AFTPH: variants seen among roughly 807,000 people sequenced by gnomAD.
The protein encoded by AFTPH is aftiphilin, also known as aftiphilin protein.
A neutral mutation model predicts 72.5 loss-of-function variants in AFTPH; 7 were observed. That is an observed-to-expected ratio of 0.10 (90% CI 0.05 to 0.18). The LOEUF (loss-of-function observed/expected upper bound fraction) is 0.18. Among genes scored for constraint, AFTPH ranks in the 10% least tolerant of loss-of-function variants. AFTPH has a pLI of 1.00. For synonymous variants in AFTPH, 337 were observed against 370.1 expected (o/e 0.91, Z 1.03); for missense variants, 979 against 1,060.5 (o/e 0.92, Z 1.07).
At chr2:64,592,352 TAAAAA>T (rs879897290) in exon 9 of AFTPH, 1 of 171,580 alleles carries the variant, frequency 5.8e-6, no homozygotes, top group Non-Finnish European at 1.2e-5. Flanking sequence ...ACTTTTGAAA[TAAAAA>T]AAAAACTCAA....
chr2:64,547,940 A>G (rs779717115), intron 1 of AFTPH, among the ~76,000 whole-genome samples: 3 of 151,942 alleles, frequency 2.0e-5, no homozygotes, highest in Non-Finnish European at 4.4e-5. Flanking sequence ...GCATGCCACC[A>G]TGCCTGGCTA....
intron 1 of AFTPH, among the ~76,000 whole-genome samples, chr2:64,535,996 A>C (rs1669861130): frequency 6.6e-6 from 1 of 152,216 alleles, no homozygotes; most frequent in Non-Finnish European, 1.5e-5. Flanking sequence ...GATTGATTTA[A>C]TTTGTGGTAG....
At chr2:64,567,358 G>T (rs573792769) in intron 2 of AFTPH, among the ~76,000 whole-genome samples, 2 of 152,278 alleles carry the variant, frequency 1.3e-5, no homozygotes, top group Non-Finnish European at 2.9e-5. Flanking sequence ...TGCCAGCTAC[G>T]TAGCTCATCA....
At chr2:64,549,875 TAGA>T in intron 1 of AFTPH, among the ~76,000 whole-genome samples, 1 of 152,292 alleles carries the variant, frequency 6.6e-6, no homozygotes, top group African/African-American at 2.4e-5. Context: ...TCCCTAAAAG[TAGA>T]AGAAAATAAA....
chr2:64,559,842 C>G (rs988159362), intron 2 of AFTPH, among the ~76,000 whole-genome samples: 2 of 152,106 alleles, frequency 1.3e-5, no homozygotes, highest in African/African-American at 4.8e-5. Context: ...GTAGCTGAGA[C>G]TACAGGTGTG....
intron 2 of AFTPH, among the ~76,000 whole-genome samples, chr2:64,562,251 TA>T (rs1213609041): frequency 1.3e-5 from 2 of 152,028 alleles, no homozygotes; most frequent in African/African-American, 2.4e-5. Context: ...AACCTGTGTA[TA>T]AAAATGATTT....
At chr2:64,552,913 A>G (rs750027112) in exon 2 of AFTPH, 2 of 1,614,126 alleles carry the variant, frequency 1.2e-6, no homozygotes, top group East Asian at 2.2e-5. Flanking sequence ...GACTTTGGAG[A>G]ATTTGGGGAT....
At position 64,553,122 on chromosome 2, in the gene AFTPH, A is replaced by T. The variant is rs149531891; in HGVS notation, c.1648A>T (p.Asn550Tyr). Reference sequence around the variant, plus strand: ...TGTGCCAAATATTCAGGATGACTGCAATGGTTTTCAAGACTCTGATGATTT... The same window carrying T: ...TGTGCCAAATATTCAGGATGACTGCTATGGTTTTCAAGACTCTGATGATTT... Residue 550 changes from asparagine (N) to tyrosine (Y), a missense_variant, in exon 2 of 9, where the codon AAT becomes TAT. This residue lies in a region of AFTPH where 438 missense variants were observed against 530.0 expected (regional missense o/e 0.83). Transcript: ENST00000238856. 3,144 of 1,614,204 alleles carry T rather than the reference A, an allele frequency of 1.9e-3. 6 individuals carry two copies. The highest frequency in any genetic ancestry group is 2.4e-3 in the Non-Finnish European group (2,774 of 1,180,008).
Position 64,591,935 on chromosome 2 carries a change from T to TC in AFTPH, c.2631dup (p.Ala878ArgfsTer5). ...CTAAGTGAAGAAGCTATCAAGGTGA[T>TC]CGCTGGCCTTCCTGACTTAACATTC... is the stretch of plus-strand genomic sequence containing the variant. On this transcript the variant is annotated frameshift_variant, in exon 9 of 9. Coordinates refer to ENST00000238856, the Ensembl canonical transcript of AFTPH. LOFTEE classifies it high-confidence loss of function. 1 of 1,614,026 alleles carries TC rather than the reference T, an allele frequency of 6.2e-7. No homozygotes were observed. Among genetic ancestry groups the TC allele is most frequent in the Non-Finnish European group, 8.5e-7 (1 of 1,179,958 alleles).
exon 2 of AFTPH, chr2:64,551,459 TG>T: frequency 6.3e-7 from 1 of 1,592,324 alleles, no homozygotes; most frequent in Non-Finnish European, 8.5e-7. Flanking sequence ...ATTAATTATT[TG>T]AAAGCAACTG....
chr2:64,589,293 T>C (rs10167463), intron 8 of AFTPH, among the ~76,000 whole-genome samples: 73,094 of 152,102 alleles, frequency 0.48, 19,334 homozygotes, highest in African/African-American at 0.73. Context: ...ACTGTTGAAA[T>C]GATTTCCCCC....
At chr2:64,551,973 C>A (rs1362508938) in exon 2 of AFTPH, 1 of 1,613,594 alleles carries the variant, frequency 6.2e-7, no homozygotes, top group African/African-American at 1.3e-5. Flanking sequence ...TCAAAACAAG[C>A]AGTTAGAGAG....
intron 1 of AFTPH, among the ~76,000 whole-genome samples, chr2:64,537,759 A>G (rs1669973753): frequency 6.6e-6 from 1 of 152,200 alleles, no homozygotes; most frequent in Non-Finnish European, 1.5e-5. Context: ...TTCGTTTATT[A>G]CTTTTATACA....
At chr2:64,547,589 A>C (rs752515235) in intron 1 of AFTPH, among the ~76,000 whole-genome samples, 1 of 152,172 alleles carries the variant, frequency 6.6e-6, no homozygotes, top group Non-Finnish European at 1.5e-5. Flanking sequence ...TTCCTCATCT[A>C]ACTTGCAGTT....
At chr2:64,585,308 C>T in intron 7 of AFTPH, 114 bp from the exon 9 acceptor site, 2 of 1,276,946 alleles carry the variant, frequency 1.6e-6, no homozygotes, top group Non-Finnish European at 2.2e-6. Context: ...AAGATATGTT[C>T]TGTTTGTAAA....
Position 64,550,685 on chromosome 2 carries a change from A to G in AFTPH, c.-32-758A>G, listed in dbSNP as rs1466121579. Among the ~76,000 whole-genome samples the G allele has an allele frequency of 4.6e-3, 228 of 49,814 alleles. 3 individuals carry two copies. Among genetic ancestry groups the G allele is most frequent in the South Asian group, 0.024 (36 of 1,504 alleles). The allele number at this position is 49,814 out of a possible 152,430, so 32.7% of individuals were successfully genotyped here. A position where few individuals can be genotyped will look rare whatever the true frequency, so the allele number is the denominator to read the frequency against. The stretch of plus-strand genomic sequence containing the variant: ...TTTAGAACTGTACGCATGCACACAC[A>G]CACACACACACACACACACACACAC... On this transcript the variant is annotated intron_variant, in intron 1 of 8. Transcript: ENST00000238856.
At chr2:64,536,951 CAAAAAA>C (rs70937353) in intron 1 of AFTPH, among the ~76,000 whole-genome samples, 4 of 81,810 alleles carry the variant, frequency 4.9e-5, no homozygotes, top group African/African-American at 1.3e-4. Context: ...GACTCTGTCT[CAAAAAA>C]AAAAAAAAAA....
chr2:64,527,932 GA>G (rs1321770899), intron 1 of AFTPH, among the ~76,000 whole-genome samples: 1 of 152,134 alleles, frequency 6.6e-6, no homozygotes, highest in African/African-American at 2.4e-5. Context: ...CAAGAAAAGG[GA>G]AAAGGTCAGA....
At chr2:64,588,258 T>C (rs963522206) in intron 8 of AFTPH, among the ~76,000 whole-genome samples, 1 of 152,246 alleles carries the variant, frequency 6.6e-6, no homozygotes, top group Non-Finnish European at 1.5e-5. Context: ...CTCAAGTTCA[T>C]TCATGTTGTA....
Sources: gnomAD v4.1 joint callset for allele counts (sites outside exome capture counted in the v4.1 genomes callset) on GRCh38, gnomAD v4.1.1 for gene constraint, gnomAD v4.1.1 regional missense constraint, MANE v1.5 for transcripts, NCBI Gene and HGNC (gene_info 2026-07-23, HGNC 2026-07-21) for gene names.